Variants in SEC16B observed in about 807,000 individuals in gnomAD.
The protein encoded by SEC16B is protein transport protein Sec16B.
In SEC16B, 115 loss-of-function variants were observed where a neutral mutation model predicts 141.8. The observed-to-expected ratio is 0.81, with a 90% CI of 0.70 to 0.95. The LOEUF is 0.95. Among genes scored for constraint, SEC16B ranks in the 40% least tolerant of loss-of-function variants. The pLI, the probability that SEC16B is intolerant of heterozygous loss-of-function variation, is 0.00. For missense variants in SEC16B, 1,291 were observed against 1,312.3 expected, an observed-to-expected ratio of 0.98 and a Z score of 0.25; for synonymous variants, 493 against 492.5, an observed-to-expected ratio of 1.00 and a Z score of -0.01.
chr1:177,963,245 A>T lies in SEC16B; in HGVS notation c.642+926T>A, dbSNP rs1435860355. On this transcript the variant is annotated intron_variant, in intron 5 of 25. Coordinates refer to ENST00000308284, the MANE Select transcript of SEC16B (RefSeq NM_033127.4). ...CTACTCTATTAAGCACTAAGTATACAAAAGAAATTGACCTCATACAAACCT... is the reference window on the plus strand; with the variant it reads ...CTACTCTATTAAGCACTAAGTATACTAAAGAAATTGACCTCATACAAACCT... Among the ~76,000 whole-genome samples the T allele has an allele frequency of 2.6e-5, 4 of 151,996 alleles. No individual in the cohort carries two copies. In the Admixed American group the frequency reaches 2.6e-4, roughly 10 times the overall value.
chr1:177,948,903 A>G (rs373871733), intron 12 of SEC16B, among the ~76,000 whole-genome samples: 29 of 146,250 alleles, frequency 2.0e-4, no homozygotes, highest in African/African-American at 7.5e-4. Flanking sequence ...GCACTTAATC[A>G]ATTACATGTA....
chr1:177,949,760 C>T (rs568102217), intron 12 of SEC16B, among the ~76,000 whole-genome samples: 100 of 152,250 alleles, frequency 6.6e-4, no homozygotes, highest in African/African-American at 2.3e-3. Flanking sequence ...GTGAAACCCA[C>T]GTCTGTGTTG....
At chr1:177,942,667 CAA>C (rs959171313) in intron 15 of SEC16B, among the ~76,000 whole-genome samples, 2 of 141,582 alleles carry the variant, frequency 1.4e-5, no homozygotes, top group Non-Finnish European at 1.5e-5. Context: ...GACTCTGTCT[CAA>C]AAAAAAAAAG....
Position 177,960,725 on chromosome 1 carries a change from T to C in SEC16B, c.936+66A>G, listed in dbSNP as rs1244779935. On this transcript the variant is annotated intron_variant, in intron 7 of 25. Coordinates refer to ENST00000308284, the MANE Select transcript of SEC16B (RefSeq NM_033127.4). ...CCGGCTCAGGCACAGGAAAGCAAGG[T>C]AAGCATGTTAGGAGTAGTTGGGTAA... 36 of 1,490,756 alleles carry C rather than the reference T, an allele frequency of 2.4e-5. No homozygotes were observed. In the Admixed American group the frequency reaches 5.1e-4, roughly 21 times the overall value. 92.3% of individuals were successfully genotyped at this position (1,490,756 alleles called of 1,614,324 possible). A position where few individuals can be genotyped will look rare whatever the true frequency, so the allele number is the denominator to read the frequency against.
chr1:177,946,116 A>G, intron 14 of SEC16B: 1 of 574,446 alleles, frequency 1.7e-6, no homozygotes, highest in Non-Finnish European at 3.1e-6. Context: ...TTTTAAAGGA[A>G]CAAAGTTAGC....
chr1:177,973,512 A>C (rs1392603936), upstream of SEC16B, among the ~76,000 whole-genome samples: 1 of 152,252 alleles, frequency 6.6e-6, no homozygotes, highest in Non-Finnish European at 1.5e-5. Flanking sequence ...TGTTAGTTCA[A>C]CCATCAAATG....
rs756831951 is a variant in SEC16B at position 177,944,599 on chromosome 1, T to C, written c.1843A>G (p.Met615Val). Reference sequence around the variant, plus strand: ...ATGAAGGATTTGGGGCGGCCCAGCATCTGACAGTACTCGAAGATTTCCGTC... The same window carrying C: ...ATGAAGGATTTGGGGCGGCCCAGCACCTGACAGTACTCGAAGATTTCCGTC... Reference protein sequence around the residue: ...QRTEIFEYCQMLGRPKSFIPS... With the variant: ...QRTEIFEYCQVLGRPKSFIPS... Residue 615 changes from methionine (M) to valine (V), a missense_variant, in exon 15 of 26, where the codon ATG becomes GTG. Around this residue, in one of 3 missense-constraint regions of SEC16B, gnomAD observed 605 missense variants for 614.1 expected, o/e 0.99. Transcript: ENST00000308284. The C allele has an allele frequency of 6.2e-7, 1 of 1,613,948 alleles. No individual in the cohort carries two copies.
At position 177,958,878 on chromosome 1, in the gene SEC16B, G is replaced by A. The variant is rs765931469; in HGVS notation, c.1096C>T (p.Leu366=). The A allele has an allele frequency of 3.3e-5, 53 of 1,613,704 alleles. No individual in the cohort carries two copies. The Admixed American group carries it at 8.8e-4, about 27-fold the overall frequency. The change falls in exon 9 of 26, where the codon CTG becomes TTG. Residue 366 remains leucine (L), a synonymous_variant. Transcript: ENST00000308284. The part of the protein sequence containing the change: ...ETLGSRDSAL[L]WQLLVLLCRQ... ...CAAAGGAGAACCAAGAGCTGCCACA[G>A]TAGAGCTGAGTCTCTGCTCCCCAGT...
At chr1:177,930,995 C>G (rs1650372982) in intron 24 of SEC16B, among the ~76,000 whole-genome samples, 1 of 152,162 alleles carries the variant, frequency 6.6e-6, no homozygotes, top group Admixed American at 6.5e-5. Context: ...ATTAGTACAA[C>G]CTCTATGAAA....
At chr1:177,955,896 C>A (rs928891182) in intron 10 of SEC16B, among the ~76,000 whole-genome samples, 1 of 152,146 alleles carries the variant, frequency 6.6e-6, no homozygotes, top group Non-Finnish European at 1.5e-5. Context: ...ATTGTAATTG[C>A]AAAAGATTGG....
In SEC16B at chr1:177,949,524, T is replaced by TAG. The variant is rs148147693; in HGVS notation, c.1546-1584_1546-1583dup. Among the ~76,000 whole-genome samples, 138 of 147,556 alleles carry TAG rather than the reference T, an allele frequency of 9.4e-4. 1 individual carries two copies. Among genetic ancestry groups the TAG allele is most frequent in the Middle Eastern group, 3.5e-3 (1 of 286 alleles). The stretch of plus-strand genomic sequence containing the variant: ...CAATGGAGAGGCGGAGGGGACACAG[T>TAG]AGAGAGAGAGAGAGAGAGAGAAAGC... On this transcript the variant is annotated intron_variant, in intron 12 of 25. Transcript: ENST00000308284.
rs774779920 is a variant in SEC16B, at chr1:177,958,154, A to G, written c.1343T>C (p.Leu448Pro). 5.2e-6 allele frequency: 8 copies of G among 1,538,334 alleles called. No homozygotes were observed. In the South Asian group the frequency reaches 9.1e-5, roughly 18 times the overall value. ...TGCCTTCTTCCTTCCATAGTAGAGC[A>G]GCCTAGTGAATTTCTCCACGATCTG... ...PAQIVEKFTR[L>P]LYYGRKKEAL... The change falls in exon 10 of 26, where the codon CTG (leucine) becomes CCG (proline). Residue 448 changes from leucine (L) to proline (P), a missense_variant. By Grantham distance (98) the Leu-to-Pro change is moderately conservative. Coordinates refer to ENST00000308284, the MANE Select transcript of SEC16B (RefSeq NM_033127.4).
chr1:177,957,332 AT>A (rs1029639060), intron 10 of SEC16B, among the ~76,000 whole-genome samples: 5 of 152,056 alleles, frequency 3.3e-5, no homozygotes, highest in African/African-American at 9.7e-5. Context: ...TTGTATAACT[AT>A]TTTTTAAATG....
intron 20 of SEC16B, among the ~76,000 whole-genome samples, chr1:177,934,373 G>T (rs965453295): frequency 6.6e-6 from 1 of 152,044 alleles, no homozygotes; most frequent in African/African-American, 2.4e-5. Context: ...TGTATCTCAC[G>T]TAGGTGGAGT....
chr1:177,954,155 A>G (rs1385921006), intron 11 of SEC16B, 124 bp downstream of exon 11: 9 of 635,952 alleles, frequency 1.4e-5, no homozygotes, highest in Non-Finnish European at 2.2e-5. Context: ...AAAAGAGAAC[A>G]TGGAAAGATC....
chr1:177,960,712 C>T (rs1348196903), intron 7 of SEC16B, 79 bp downstream of exon 7: 1 of 1,456,972 alleles, frequency 6.9e-7, no homozygotes. Context: ...GGCTCAGGCA[C>T]AGGAAAGCAA....
chr1:177,983,669 C>T (rs1556976), intron 1 of SEC16B, among the ~76,000 whole-genome samples: 36,008 of 152,106 alleles, frequency 0.24, 7,799 homozygotes, highest in African/African-American at 0.58. Context: ...AGCCGGAGTT[C>T]TATTGTCATG....
intron 12 of SEC16B, among the ~76,000 whole-genome samples, chr1:177,951,444 C>A (rs1375323978): frequency 6.6e-6 from 1 of 152,172 alleles, no homozygotes; most frequent in Non-Finnish European, 1.5e-5. Flanking sequence ...AGATTGAAAT[C>A]GAGTATGTCC....
intron 13 of SEC16B, among the ~76,000 whole-genome samples, chr1:177,946,791 C>T (rs1241131434): frequency 6.6e-6 from 1 of 152,150 alleles, no homozygotes; most frequent in Non-Finnish European, 1.5e-5. Context: ...CCCTAAAGGA[C>T]TTTTTACGAG....
Sources: allele counts gnomAD v4.1 joint callset (sites outside exome capture counted in the v4.1 genomes callset), GRCh38; gene constraint gnomAD v4.1.1; regional missense constraint gnomAD v4.1.1; transcripts MANE v1.5; gene names NCBI Gene and HGNC (gene_info 2026-07-23, HGNC 2026-07-21).